TMEM135: variants seen among roughly 807,000 people sequenced by gnomAD.
The protein encoded by TMEM135 is transmembrane protein 135, also known as peroxisomal membrane protein 52.
Under a neutral mutation model 60.3 loss-of-function variants are expected in TMEM135, and 30 were observed. The ratio of observed to expected loss-of-function variants is 0.50; its 90% CI spans 0.37 to 0.68. TMEM135 has a LOEUF of 0.68. Ranked by LOEUF, TMEM135 falls within the 30% of genes least tolerant of loss-of-function variation. The pLI is 0.00. For synonymous variants in TMEM135, 190 were observed against 186.7 expected (o/e 1.02, Z -0.14); for missense variants, 468 against 548.8 (o/e 0.85, Z 1.47).
chr11:87,238,087 T>A (rs983252917), intron 6 of TMEM135, among the ~76,000 whole-genome samples: 7 of 151,956 alleles, frequency 4.6e-5, no homozygotes, highest in African/African-American at 1.4e-4. Flanking sequence ...TTAGCCTGCT[T>A]CCAAATTTTG....
intron 5 of TMEM135, among the ~76,000 whole-genome samples, chr11:87,172,194 T>C (rs1428516184): frequency 6.6e-6 from 1 of 152,228 alleles, no homozygotes; most frequent in Non-Finnish European, 1.5e-5. Flanking sequence ...CCAGTATCTA[T>C]ATTTTTTAAA....
Position 87,322,131 on chromosome 11 carries a change from T to G in TMEM135, c.*798T>G, listed in dbSNP as rs532091547. On this transcript the variant is annotated 3_prime_UTR_variant, in exon 15 of 15. Coordinates refer to ENST00000305494, the MANE Select transcript of TMEM135 (RefSeq NM_022918.4). Reference sequence around the variant, plus strand: ...ACACTTGAATATTTAAAAACAAAACTTTTAAACTTCCTATAGGTTTATGAT... The same window carrying G: ...ACACTTGAATATTTAAAAACAAAACGTTTAAACTTCCTATAGGTTTATGAT... 1 of 453,432 alleles carries G rather than the reference T, an allele frequency of 2.2e-6. No individual in the cohort carries two copies. Among genetic ancestry groups the G allele is most frequent in the South Asian group, 1.6e-5 (1 of 64,380 alleles). 28.1% of individuals were successfully genotyped at this position (453,432 alleles called of 1,614,324 possible). A position where few individuals can be genotyped will look rare whatever the true frequency, so the allele number is the denominator to read the frequency against.
At chr11:87,078,769 A>G (rs923868645) in intron 3 of TMEM135, among the ~76,000 whole-genome samples, 3 of 146,844 alleles carry the variant, frequency 2.0e-5, no homozygotes, top group African/African-American at 5.1e-5. Flanking sequence ...GTGTGCCACT[A>G]CACCTCGCTA....
At chr11:87,038,609 C>CTTTTTTTTTTTTTTTTTTT (rs3045930) in intron 1 of TMEM135, among the ~76,000 whole-genome samples, 2 of 113,932 alleles carry the variant, frequency 1.8e-5, no homozygotes, top group African/African-American at 3.3e-5. Context: ...TTTTATTTTG[C>CTTTTTTTTTTTTTTTTTTT]TTTTTTTTTT....
intron 3 of TMEM135, among the ~76,000 whole-genome samples, chr11:87,090,208 A>T (rs1250032698): frequency 6.6e-6 from 1 of 151,872 alleles, no homozygotes; most frequent in Non-Finnish European, 1.5e-5. Flanking sequence ...GATAATGTAA[A>T]TTTTTTCTTT....
At chr11:87,101,733 G>A (rs1048357441) in intron 4 of TMEM135, among the ~76,000 whole-genome samples, 1 of 152,152 alleles carries the variant, frequency 6.6e-6, no homozygotes, top group African/African-American at 2.4e-5. Context: ...CCAGCACTTT[G>A]GGAGGCCGAG....
At position 87,294,510 on chromosome 11, in the gene TMEM135, A is replaced by G. The variant is rs1218126512; in HGVS notation, c.510-1272A>G. Among the ~76,000 whole-genome samples, 4 of 152,126 alleles carry G rather than the reference A, an allele frequency of 2.6e-5. No individual in the cohort carries two copies. In the South Asian group the frequency reaches 6.2e-4, roughly 24 times the overall value. ...GCGATTCTCCAGCGTCAGCCTCCCG[A>G]GTAGCTGGGATTACAGGAATGTGCC... is the stretch of plus-strand genomic sequence containing the variant. On this transcript the variant is annotated intron_variant, in intron 6 of 14. Coordinates refer to ENST00000305494, the MANE Select transcript of TMEM135 (RefSeq NM_022918.4).
chr11:87,253,248 T>C (rs1941456756), intron 6 of TMEM135, among the ~76,000 whole-genome samples: 1 of 152,146 alleles, frequency 6.6e-6, no homozygotes, highest in Non-Finnish European at 1.5e-5. Flanking sequence ...CATTTTATAA[T>C]GAATATAAAT....
At chr11:87,261,256 C>T (rs1941646259) in intron 6 of TMEM135, among the ~76,000 whole-genome samples, 1 of 152,142 alleles carries the variant, frequency 6.6e-6, no homozygotes, top group African/African-American at 2.4e-5. Context: ...GCGCCAACCT[C>T]CTTTAATATT....
chr11:87,269,694 A>G (rs1591156444), intron 6 of TMEM135, among the ~76,000 whole-genome samples: 1 of 151,310 alleles, frequency 6.6e-6, no homozygotes, highest in Non-Finnish European at 1.5e-5. Flanking sequence ...TTATGGCTGC[A>G]TAGTATTCCA....
intron 4 of TMEM135, among the ~76,000 whole-genome samples, chr11:87,119,029 T>G (rs1857969659): frequency 6.6e-6 from 1 of 152,272 alleles, no homozygotes; most frequent in Non-Finnish European, 1.5e-5. Flanking sequence ...GTGTATTCAC[T>G]GTTATAGCAC....
intron 4 of TMEM135, among the ~76,000 whole-genome samples, chr11:87,104,696 T>A (rs987911486): frequency 6.6e-6 from 1 of 152,180 alleles, no homozygotes; most frequent in Non-Finnish European, 1.5e-5. Flanking sequence ...AAATGGGATT[T>A]TTTTCTTAAT....
chr11:87,319,127 C>T (rs1590869537), intron 13 of TMEM135, 183 bp from the exon 14 acceptor site: 2 of 592,010 alleles, frequency 3.4e-6, no homozygotes, highest in East Asian at 3.0e-5. Flanking sequence ...CCTCGGCCTC[C>T]CCAAGTGCTG....
At chr11:87,039,957 G>A (rs1949736597) in intron 1 of TMEM135, among the ~76,000 whole-genome samples, 1 of 152,174 alleles carries the variant, frequency 6.6e-6, no homozygotes, top group Admixed American at 6.5e-5. Flanking sequence ...AACAAGGTAG[G>A]TTGGGGGTGT....
intron 5 of TMEM135, among the ~76,000 whole-genome samples, chr11:87,159,335 C>T (rs956057556): frequency 2.6e-5 from 4 of 152,094 alleles, no homozygotes; most frequent in African/African-American, 7.2e-5. Flanking sequence ...ATCTGCTATT[C>T]TTCACATTTT....
In TMEM135 at chr11:87,174,066, A is replaced by G. The variant is rs117885145; in HGVS notation, c.462+16660A>G. Among the ~76,000 whole-genome samples the G allele has an allele frequency of 3.9e-5, 6 of 152,292 alleles. No homozygotes were observed. In the East Asian group the frequency reaches 1.2e-3, roughly 29 times the overall value. ...AACAAACATGAGAATACTGTTAGCC[A>G]AACAGGGTAAAGTTATAACATGGTG... is the stretch of plus-strand genomic sequence containing the variant. On this transcript the variant is annotated intron_variant, in intron 5 of 14. Transcript: ENST00000305494.
At chr11:87,249,134 A>C (rs1380627292) in intron 6 of TMEM135, among the ~76,000 whole-genome samples, 1 of 152,168 alleles carries the variant, frequency 6.6e-6, no homozygotes, top group Non-Finnish European at 1.5e-5. Flanking sequence ...TACGTTGAAT[A>C]ACAGTCATGA....
chr11:87,155,149 C>T (rs1938658683), intron 4 of TMEM135, among the ~76,000 whole-genome samples: 1 of 152,162 alleles, frequency 6.6e-6, no homozygotes, highest in African/African-American at 2.4e-5. Flanking sequence ...CAGGCATGTG[C>T]CACCAAGCCC....
At chr11:87,233,871 C>T (rs1007945447) in intron 5 of TMEM135, among the ~76,000 whole-genome samples, 2 of 152,016 alleles carry the variant, frequency 1.3e-5, no homozygotes, top group Non-Finnish European at 2.9e-5. Context: ...AAATTTATCT[C>T]AGCTCTAAAA....
Sources: gnomAD v4.1 joint callset for allele counts (sites outside exome capture counted in the v4.1 genomes callset) on GRCh38, gnomAD v4.1.1 for gene constraint, MANE v1.5 for transcripts, NCBI Gene and HGNC (gene_info 2026-07-23, HGNC 2026-07-21) for gene names.